ACACA: variants seen among roughly 807,000 people sequenced by gnomAD.
The protein encoded by ACACA is acetyl-CoA carboxylase 1.
A neutral mutation model predicts 296.1 loss-of-function variants in ACACA; 103 were observed. The ratio of observed to expected loss-of-function variants is 0.35; its 90% confidence interval spans 0.30 to 0.41. The LOEUF (loss-of-function observed/expected upper bound fraction) is 0.41, where lower values mean the gene tolerates loss of function less well. Ranked by LOEUF, ACACA falls within the 10% of genes least tolerant of loss-of-function variation. The pLI, the probability that ACACA is intolerant of heterozygous loss-of-function variation, is 1.00. For missense variants in ACACA, 1,554 were observed against 2,989.7 expected, an observed-to-expected ratio of 0.52 and a Z score of 11.20; for synonymous variants, 953 against 1,038.6, an observed-to-expected ratio of 0.92 and a Z score of 1.58.
At chr17:37,398,281 C>CTTTTT (rs777127866) in intron 1 of ACACA, among the ~76,000 whole-genome samples, 9 of 79,172 alleles carry the variant, frequency 1.1e-4, no homozygotes, top group Admixed American at 4.0e-4. Flanking sequence ...TGTGGTATCA[C>CTTTTT]TTTTTTTTTT....
chr17:37,128,597 C>T (rs1416008336), intron 47 of ACACA, among the ~76,000 whole-genome samples: 2 of 152,344 alleles, frequency 1.3e-5, no homozygotes, highest in East Asian at 3.9e-4. Flanking sequence ...GGATTTGGTG[C>T]TCCACAAAAG....
At chr17:37,250,387 T>A (rs1010562052) in intron 16 of ACACA, among the ~76,000 whole-genome samples, 1 of 152,034 alleles carries the variant, frequency 6.6e-6, no homozygotes, top group Admixed American at 6.6e-5. Flanking sequence ...CGCCTCTAAT[T>A]CCAGCTATTT....
intron 55 of ACACA, among the ~76,000 whole-genome samples, chr17:37,087,648 TAAACCCAA>T (rs2072300941): frequency 6.6e-6 from 1 of 151,846 alleles, no homozygotes; most frequent in Non-Finnish European, 1.5e-5. Flanking sequence ...AAAAAGGAAT[TAAACCCAA>T]AACAAAACCC....
intron 48 of ACACA, among the ~76,000 whole-genome samples, chr17:37,124,552 G>A (rs2143134366): frequency 6.6e-6 from 1 of 152,326 alleles, no homozygotes; most frequent in Non-Finnish European, 1.5e-5. Flanking sequence ...TGATACAGGA[G>A]TCGAGTATCA....
chr17:37,312,208 T>C (rs1482213243), intron 3 of ACACA, among the ~76,000 whole-genome samples: 2 of 151,836 alleles, frequency 1.3e-5, no homozygotes, highest in African/African-American at 2.4e-5. Context: ...GAGACACAAA[T>C]AGAATGATCA....
rs116776303 is a variant in ACACA, at chr17:37,305,518, T to C, written c.339-20548A>G. 5.9e-3 allele frequency among the ~76,000 whole-genome samples: 900 copies of C among 152,206 alleles called. 5 individuals are homozygous for C. Among genetic ancestry groups the C allele is most frequent in the African/African-American group, 0.021 (855 of 41,536 alleles). ...GGTCTGGAGTATGGGGGATATAGAG[T>C]AGTGCATTCAAAGTTCAGGTTTTTC... On this transcript the variant is annotated intron_variant, in intron 3 of 55. Coordinates refer to ENST00000616317, the MANE Select transcript of ACACA (RefSeq NM_198834.3).
At chr17:37,265,143 C>T (rs1040571238) in intron 10 of ACACA, among the ~76,000 whole-genome samples, 3 of 152,156 alleles carry the variant, frequency 2.0e-5, no homozygotes, top group Admixed American at 6.5e-5. Context: ...ATTTATACAT[C>T]ACTTTGGCCA....
At chr17:37,095,041 A>G (rs1172058335) in intron 54 of ACACA, among the ~76,000 whole-genome samples, 1 of 152,248 alleles carries the variant, frequency 6.6e-6, no homozygotes, top group Admixed American at 6.5e-5. Context: ...GCTTGGGAGC[A>G]GGATGCTAGG....
intron 3 of ACACA, among the ~76,000 whole-genome samples, chr17:37,316,534 C>T (rs1346701012): frequency 6.6e-6 from 1 of 152,064 alleles, no homozygotes; most frequent in African/African-American, 2.4e-5. Flanking sequence ...TAACAAGAAC[C>T]CTCTGAAGTA....
intron 39 of ACACA, among the ~76,000 whole-genome samples, 195 bp from the exon 40 acceptor site, chr17:37,181,551 TATATATAACCAGCC>T (rs1177960105): frequency 6.6e-6 from 1 of 151,904 alleles, no homozygotes; most frequent in East Asian, 1.9e-4. Flanking sequence ...AAAAAATATA[TATATATAACCAGCC>T]ATATACCATA....
chr17:37,241,195 C>CAAA (rs906234474), intron 23 of ACACA, among the ~76,000 whole-genome samples: 163 of 147,894 alleles, frequency 1.1e-3, no homozygotes, highest in African/African-American at 3.9e-3. Context: ...ACCCTGTCTC[C>CAAA]AAAAAAAATA....
At chr17:37,376,277 C>A in intron 1 of ACACA, 1 of 730,950 alleles carries the variant, frequency 1.4e-6, no homozygotes, top group Non-Finnish European at 2.3e-6. Flanking sequence ...GAGTTAATCC[C>A]ATGTATCCAC....
At chr17:37,279,375 C>G (rs2082404209) in intron 5 of ACACA, among the ~76,000 whole-genome samples, 1 of 152,180 alleles carries the variant, frequency 6.6e-6, no homozygotes, top group African/African-American at 2.4e-5. Context: ...TGGCTCACGC[C>G]TGTAATCCTA....
rs943035986 is a variant in ACACA, at chr17:37,192,380, A to G, written c.4201-75T>C. The G allele has an allele frequency of 5.2e-6, 7 of 1,338,422 alleles. No homozygotes were observed. In the East Asian group the frequency reaches 9.6e-5, roughly 18 times the overall value. The allele number at this position is 1,338,422 out of a possible 1,614,324, so 82.9% of individuals were successfully genotyped here. ...ATTATACTATGAATGTGAATGTAAA[A>G]GAGATGCCTGAAAATAGAAACATAA... On this transcript the variant is annotated intron_variant, in intron 36 of 55. Transcript: ENST00000616317.
chr17:37,312,555 A>G (rs1598460756), intron 3 of ACACA, among the ~76,000 whole-genome samples: 1 of 152,250 alleles, frequency 6.6e-6, no homozygotes, highest in East Asian at 1.9e-4. Flanking sequence ...AAATGGCAGT[A>G]AAAGTTGGGG....
intron 3 of ACACA, among the ~76,000 whole-genome samples, chr17:37,309,290 C>T (rs1201195717): frequency 6.6e-6 from 1 of 152,000 alleles, no homozygotes; most frequent in Non-Finnish European, 1.5e-5. Flanking sequence ...TCTCCCAAAG[C>T]GCTGGGATTA....
chr17:37,248,786 T>C (rs890671932), intron 16 of ACACA, 112 bp from the exon 17 acceptor site: 7 of 715,446 alleles, frequency 9.8e-6, no homozygotes, highest in Non-Finnish European at 1.7e-5. Context: ...AGAAACAACC[T>C]AAATACCTAA....
At chr17:37,268,721 C>CTATA (rs1334153360) in intron 10 of ACACA, among the ~76,000 whole-genome samples, 6 of 108,102 alleles carry the variant, frequency 5.6e-5, no homozygotes, top group African/African-American at 2.4e-4. Context: ...CTATATCTAT[C>CTATA]TATCTATCTA....
At chr17:37,150,218 G>A (rs1281593669) in intron 44 of ACACA, among the ~76,000 whole-genome samples, 1 of 152,184 alleles carries the variant, frequency 6.6e-6, no homozygotes, top group Non-Finnish European at 1.5e-5. Flanking sequence ...GGAGTCTGAG[G>A]TGGGCGGATC....
Sources: allele counts gnomAD v4.1 joint callset (sites outside exome capture counted in the v4.1 genomes callset), GRCh38; gene constraint gnomAD v4.1.1; transcripts MANE v1.5; gene names NCBI Gene and HGNC (gene_info 2026-07-23, HGNC 2026-07-21).